Variants in FAM153A observed in about 807,000 individuals in gnomAD.
FAM153A encodes protein FAM153A.
FAM153A carries 12 observed loss-of-function variants against 48.1 expected under a neutral mutation model. The observed-to-expected ratio is 0.25, with a 90% CI of 0.16 to 0.40. The LOEUF is 0.40. Ranked by LOEUF, FAM153A falls within the 10% of genes least tolerant of loss-of-function variation. The probability of loss-of-function intolerance (pLI) is 1.00; values close to 1 mark genes in which losing one functional copy is unlikely to be tolerated. For missense variants in FAM153A, 111 were observed against 345.8 expected, an observed-to-expected ratio of 0.32 and a Z score of 5.38; for synonymous variants, 36 against 118.2, an observed-to-expected ratio of 0.30 and a Z score of 4.51.
At chr5:177,725,490 A>G (rs1265026810) in intron 18 of FAM153A, among the ~76,000 whole-genome samples, 2 of 151,194 alleles carry the variant, frequency 1.3e-5, no homozygotes, top group African/African-American at 4.9e-5. Context: ...ACAATGGAAC[A>G]GAATTCAAGG....
At chr5:177,776,659 A>G (rs1341158484) in intron 1 of FAM153A, among the ~76,000 whole-genome samples, 1 of 48,190 alleles carries the variant, frequency 2.1e-5, no homozygotes, top group Non-Finnish European at 3.8e-5. Context: ...AGGAAGAATC[A>G]ATATCGTGAA....
chr5:177,710,801 G>A (rs1386309844), downstream of FAM153A, among the ~76,000 whole-genome samples: 2 of 145,262 alleles, frequency 1.4e-5, no homozygotes, highest in African/African-American at 2.6e-5. Flanking sequence ...GATTACAGGT[G>A]CCAGCCACCA....
chr5:177,709,110 AAAAAAAAAAAAAAAAAAAAAAAGAAAG>A (rs1758131267), downstream of FAM153A, among the ~76,000 whole-genome samples: 1 of 107,992 alleles, frequency 9.3e-6, no homozygotes, highest in African/African-American at 4.8e-5. Flanking sequence ...AAAAAAAAAA[AAAAAAAAAAAAAAAAAAAAAAAGAAAG>A]AAAAGCCTAG....
At chr5:177,719,249 T>A (rs529232712), downstream of FAM153A, among the ~76,000 whole-genome samples, 25 of 151,162 alleles carry the variant, frequency 1.7e-4, no homozygotes, top group South Asian at 5.0e-3. Context: ...TATAAAAAAA[T>A]ATTTAACCTC....
intron 1 of FAM153A, among the ~76,000 whole-genome samples, chr5:177,768,317 TCTTGATGAAAG>T (rs1464425242): frequency 4.6e-4 from 70 of 151,976 alleles, no homozygotes; most frequent in African/African-American, 1.5e-3. Flanking sequence ...TCACTTTGGG[TCTTGATGAAAG>T]CTTCATTATA....
At chr5:177,734,430 A>G (rs1228724512) in intron 13 of FAM153A, 26 bp from the exon 16 acceptor site, 3 of 1,120,956 alleles carry the variant, frequency 2.7e-6, no homozygotes, top group South Asian at 1.5e-5. Context: ...ATAAATTGCT[A>G]TGAGCATCAG....
At chr5:177,710,561 C>T (rs1758321211), downstream of FAM153A, among the ~76,000 whole-genome samples, 1 of 150,626 alleles carries the variant, frequency 6.6e-6, no homozygotes, top group South Asian at 2.1e-4. Context: ...ATCTGGATTG[C>T]CAACATTGCA....
chr5:177,705,514 A>G (rs1243302493), downstream of FAM153A, among the ~76,000 whole-genome samples: 1 of 151,344 alleles, frequency 6.6e-6, no homozygotes, highest in African/African-American at 2.4e-5. Context: ...AGTCTCAGGT[A>G]TTTATTTATA....
chr5:177,724,172 G>T (rs2127592374), exon 21 of FAM153A: 1 of 1,607,698 alleles, frequency 6.2e-7, no homozygotes, highest in Middle Eastern at 2.2e-4. Flanking sequence ...TTCTTGCTGG[G>T]CTTCCTGGTT....
intron 25 of FAM153A, among the ~76,000 whole-genome samples, chr5:177,715,941 G>T (rs1263607268): frequency 2.0e-5 from 3 of 151,314 alleles, no homozygotes; most frequent in Non-Finnish European, 4.4e-5. Flanking sequence ...CTCTAAAAGT[G>T]CTGGGATTAC....
rs1236366463 is a variant in FAM153A at position 177,766,141 on chromosome 5, A to G, written c.-57+14308T>C. ...AAAAAACAAAATAAAACAAAAAACA[A>G]ACAGAAAAACATGCCAATAGGATAA... On this transcript the variant is annotated intron_variant, in intron 1 of 8. Coordinates refer to the FAM153A transcript ENST00000393518. 7.0e-5 allele frequency among the ~76,000 whole-genome samples: 7 copies of G among 99,568 alleles called. 1 individual carries two copies. The highest frequency in any genetic ancestry group is 2.2e-4 in the African/African-American group (6 of 27,688). 65.3% of individuals were successfully genotyped at this position (99,568 alleles called of 152,430 possible).
chr5:177,718,529 C>G (rs1484242561), downstream of FAM153A: 1 of 135,036 alleles, frequency 7.4e-6, no homozygotes, highest in Non-Finnish European at 1.7e-5. Context: ...TTTATTCCAT[C>G]ATTCCTGGAA....
At chr5:177,697,887 G>C in the FAM153A span, among the ~76,000 whole-genome samples, 1,964 of 150,950 alleles carry the variant, frequency 0.013, 94 homozygotes, top group African/African-American at 0.046. Flanking sequence ...CCCTGCCCCC[G>C]TCTTAGGACC....
At position 177,739,424 on chromosome 5, in the gene FAM153A, T is replaced by C. The variant is rs1765209643; in HGVS notation, c.537+176A>G. On this transcript the variant is annotated intron_variant, in intron 9 of 20. Coordinates refer to ENST00000614127, the Ensembl canonical transcript of FAM153A. ...CTGAAGCTGTCATCTATGAATGCCA[T>C]CTTCAATCAGTTCTTAGTTAGTAAT... is the stretch of plus-strand genomic sequence containing the variant. 6 of 493,660 alleles carry C rather than the reference T, an allele frequency of 1.2e-5. 1 individual carries two copies. In the East Asian group the frequency reaches 1.9e-4, roughly 15 times the overall value. The allele number at this position is 493,660 out of a possible 1,614,324, so 30.6% of individuals were successfully genotyped here. A position where few individuals can be genotyped will look rare whatever the true frequency, so the allele number is the denominator to read the frequency against.
Position 177,739,143 on chromosome 5 carries a change from T to C in FAM153A, c.538-6A>G. On this transcript the variant is annotated splice_polypyrimidine_tract_variant and splice_region_variant and intron_variant, in intron 9 of 20. Transcript: ENST00000614127. Reference sequence around the variant, plus strand: ...GTTTGGGTGCCTGCGTCTGCCTGCGTTTAGAGAAAGAAAAACACCATGAGG... The same window carrying C: ...GTTTGGGTGCCTGCGTCTGCCTGCGCTTAGAGAAAGAAAAACACCATGAGG... 1 of 1,612,534 alleles carries C rather than the reference T, an allele frequency of 6.2e-7. No homozygotes were observed. The highest frequency in any genetic ancestry group is 8.5e-7 in the Non-Finnish European group (1 of 1,179,950).
chr5:177,734,770 T>C (rs1270390413), intron 13 of FAM153A, 93 bp downstream of exon 15: 43 of 1,609,622 alleles, frequency 2.7e-5, no homozygotes, highest in Non-Finnish European at 3.6e-5. Flanking sequence ...AACTAAGATA[T>C]ATATCTTCAG....
intron 1 of FAM153A, among the ~76,000 whole-genome samples, chr5:177,768,011 A>C: frequency 1.5e-5 from 1 of 66,808 alleles, no homozygotes; most frequent in African/African-American, 5.9e-5. Flanking sequence ...AGTCCCATGA[A>C]ACTGCCTCCC....
chr5:177,711,060 G>A (rs897185903), downstream of FAM153A: 2 of 151,816 alleles, frequency 1.3e-5, no homozygotes, highest in Non-Finnish European at 2.9e-5. Context: ...ATTTTTCTGA[G>A]AGTTTTCCAT....
chr5:177,739,765 A>T, intron 8 of FAM153A, 95 bp from the exon 11 acceptor site: 1 of 173,776 alleles, frequency 5.8e-6, no homozygotes, highest in East Asian at 1.4e-4. Context: ...GGCATGTGTG[A>T]AGAAGGTTGG....
Sources: allele counts gnomAD v4.1 joint callset (sites outside exome capture counted in the v4.1 genomes callset), GRCh38; gene constraint gnomAD v4.1.1; transcripts MANE v1.5; gene names NCBI Gene and HGNC (gene_info 2026-07-23, HGNC 2026-07-21).